Variants in TBC1D22A observed in about 807,000 individuals in gnomAD.
The protein encoded by TBC1D22A is putative GTPase activator.
In TBC1D22A, 38 loss-of-function variants were observed where a neutral mutation model predicts 60.2. That is an observed-to-expected ratio of 0.63 (90% confidence interval 0.49 to 0.83). The LOEUF is 0.83. Among genes scored for constraint, TBC1D22A ranks in the 40% least tolerant of loss-of-function variants. The pLI is 0.00. For missense variants in TBC1D22A, 628 were observed against 701.0 expected (o/e 0.90, Z 1.18); for synonymous variants, 302 against 281.7 (o/e 1.07, Z -0.72).
chr22:47,092,621 C>T (rs1203573167), intron 11 of TBC1D22A, among the ~76,000 whole-genome samples: 3 of 152,184 alleles, frequency 2.0e-5, no homozygotes, highest in East Asian at 1.9e-4. Flanking sequence ...TGGACATGCC[C>T]ACCGGCGGGC....
At chr22:47,151,217 C>T (rs115940604) in intron 12 of TBC1D22A, among the ~76,000 whole-genome samples, 2,256 of 152,294 alleles carry the variant, frequency 0.015, 47 homozygotes, top group African/African-American at 0.052. Context: ...CACTTTTAAA[C>T]GCTGCGTGGT....
At chr22:47,146,324 T>G (rs564947432) in intron 12 of TBC1D22A, among the ~76,000 whole-genome samples, 1 of 152,278 alleles carries the variant, frequency 6.6e-6, no homozygotes, top group East Asian at 1.9e-4. Flanking sequence ...GTTGATGAAC[T>G]CTCTCTCTCC....
intron 8 of TBC1D22A, among the ~76,000 whole-genome samples, chr22:46,951,128 A>G (rs977579887): frequency 6.6e-6 from 1 of 152,190 alleles, no homozygotes; most frequent in Non-Finnish European, 1.5e-5. Context: ...TAGACTCTCC[A>G]TCTGCAAAAT....
At chr22:46,910,357 T>C (rs991426884) in intron 7 of TBC1D22A, among the ~76,000 whole-genome samples, 3 of 152,026 alleles carry the variant, frequency 2.0e-5, no homozygotes, top group Non-Finnish European at 4.4e-5. Flanking sequence ...CCCGGGTTGA[T>C]GGTGATTTTG....
chr22:46,873,954 G>A (rs1019653986), intron 4 of TBC1D22A, among the ~76,000 whole-genome samples: 21 of 152,154 alleles, frequency 1.4e-4, no homozygotes, highest in African/African-American at 4.8e-4. Flanking sequence ...CCACCACCAT[G>A]TGCAGCTAAT....
At chr22:47,029,620 T>C (rs2062394029) in intron 10 of TBC1D22A, among the ~76,000 whole-genome samples, 1 of 152,158 alleles carries the variant, frequency 6.6e-6, no homozygotes, top group Non-Finnish European at 1.5e-5. Context: ...GCAGCCTCGA[T>C]CTTGGCCAAG....
At chr22:46,960,708 A>G (rs185895605) in intron 8 of TBC1D22A, among the ~76,000 whole-genome samples, 282 of 152,236 alleles carry the variant, frequency 1.9e-3, no homozygotes, top group African/African-American at 6.4e-3. Context: ...GCATTTTTGG[A>G]GGCCGAGGCG....
intron 1 of TBC1D22A, among the ~76,000 whole-genome samples, 188 bp from the exon 2 acceptor site, chr22:46,792,332 G>A (rs2084447637): frequency 6.6e-6 from 1 of 152,106 alleles, no homozygotes; most frequent in South Asian, 2.1e-4. Context: ...CTTGTATGGT[G>A]CCACTCATCC....
chr22:46,948,461 G>C (rs1037664318), intron 8 of TBC1D22A, among the ~76,000 whole-genome samples: 15 of 152,232 alleles, frequency 9.9e-5, no homozygotes, highest in Admixed American at 7.9e-4. Flanking sequence ...GGTGCCCATG[G>C]GGGTAGAGTC....
At chr22:46,841,047 G>GGTGTGTGTGTGTGTGTGTGT (rs56029066) in intron 4 of TBC1D22A, among the ~76,000 whole-genome samples, 3 of 147,438 alleles carry the variant, frequency 2.0e-5, no homozygotes, top group African/African-American at 7.6e-5. Flanking sequence ...AATGAAAATG[G>GGTGTGTGTGTGTGTGTGTGT]GTGTGTGTGT....
Position 46,762,864 on chromosome 22 carries a change from A to C in TBC1D22A, c.62+16A>C. ...TCCCGGGCAGGTGGGTGTGCCGCGG[A>C]GGGCCAGGTCGGGGTCAGGGGTCAG... On this transcript the variant is annotated intron_variant, in intron 1 of 12. Transcript: ENST00000337137. 1 of 1,469,072 alleles carries C rather than the reference A, an allele frequency of 6.8e-7. No individual in the cohort carries two copies. The highest frequency in any genetic ancestry group is 1.5e-5 in the African/African-American group (1 of 66,860). The allele number at this position is 1,469,072 out of a possible 1,614,324, so 91.0% of individuals were successfully genotyped here.
intron 10 of TBC1D22A, among the ~76,000 whole-genome samples, chr22:47,010,446 C>T (rs1314874114): frequency 3.9e-5 from 6 of 152,300 alleles, no homozygotes; most frequent in East Asian, 3.9e-4. Context: ...AAGGCACATG[C>T]GTAATTGCTG....
At chr22:47,049,213 G>T (rs2063127777) in intron 11 of TBC1D22A, among the ~76,000 whole-genome samples, 1 of 152,214 alleles carries the variant, frequency 6.6e-6, no homozygotes, top group South Asian at 2.1e-4. Flanking sequence ...GGTTTCCTGG[G>T]CCAACCTTCG....
At chr22:47,163,133 C>T (rs1178809252) in intron 12 of TBC1D22A, among the ~76,000 whole-genome samples, 1 of 152,192 alleles carries the variant, frequency 6.6e-6, no homozygotes, top group Non-Finnish European at 1.5e-5. Context: ...CCCTGTGGTT[C>T]CTTTTCCAAC....
At chr22:46,997,586 T>G (rs754772101) in intron 9 of TBC1D22A, 48 bp from the exon 10 acceptor site, 1 of 1,500,934 alleles carries the variant, frequency 6.7e-7, no homozygotes, top group African/African-American at 1.4e-5. Context: ...TTTGGAAAGT[T>G]TGTTTTATTT....
rs74881474 is a variant in TBC1D22A, at chr22:47,008,342, C to T, written c.1201+10633C>T. 3.3e-3 allele frequency among the ~76,000 whole-genome samples: 497 copies of T among 152,332 alleles called. 3 individuals are homozygous for T. Among genetic ancestry groups the T allele is most frequent in the African/African-American group, 0.012 (481 of 41,572 alleles). On this transcript the variant is annotated intron_variant, in intron 10 of 12. Coordinates refer to ENST00000337137, the MANE Select transcript of TBC1D22A (RefSeq NM_014346.5). ...TTTCTCAGCCCTCTCCATTCATTTT[C>T]TAGCCTGGAGGGAGCAGATGCAGAT... is the stretch of plus-strand genomic sequence containing the variant.
intron 9 of TBC1D22A, among the ~76,000 whole-genome samples, chr22:46,994,048 G>A (rs1442157101): frequency 6.6e-6 from 1 of 152,208 alleles, no homozygotes; most frequent in Non-Finnish European, 1.5e-5. Flanking sequence ...GTCTTTGCAG[G>A]TCTTTCAAAA....
chr22:47,152,659 T>C (rs2067549228), intron 12 of TBC1D22A, among the ~76,000 whole-genome samples: 2 of 152,222 alleles, frequency 1.3e-5, no homozygotes, highest in South Asian at 4.1e-4. Context: ...GGAACTAGTA[T>C]TTACTGAGTG....
intron 12 of TBC1D22A, among the ~76,000 whole-genome samples, chr22:47,134,171 A>G (rs1007626721): frequency 3.3e-5 from 5 of 152,160 alleles, no homozygotes; most frequent in African/African-American, 1.2e-4. Context: ...CCCCATTCAA[A>G]TCATTAATTG....
Sources: gnomAD v4.1 joint callset for allele counts (sites outside exome capture counted in the v4.1 genomes callset) on GRCh38, gnomAD v4.1.1 for gene constraint, MANE v1.5 for transcripts, NCBI Gene and HGNC (gene_info 2026-07-23, HGNC 2026-07-21) for gene names.